The following VTI1A variants were observed in gnomAD, a reference collection of about 807,000 sequenced individuals.
VTI1A encodes the protein vesicle transport through interaction with t-SNAREs 1A, also known as vesicle transport through interaction with t-SNAREs homolog 1A.
A neutral mutation model predicts 34.9 loss-of-function variants in VTI1A; 22 were observed. The ratio of observed to expected loss-of-function variants is 0.63; its 90% CI spans 0.45 to 0.90. VTI1A has a LOEUF of 0.90. Ranked by LOEUF, VTI1A falls within the 40% of genes least tolerant of loss-of-function variation. The probability of loss-of-function intolerance (pLI) is 0.00; values close to 1 mark genes in which losing one functional copy is unlikely to be tolerated. For missense variants in VTI1A, 268 were observed against 275.6 expected, an observed-to-expected ratio of 0.97 and a Z score of 0.20; for synonymous variants, 87 against 97.3, an observed-to-expected ratio of 0.89 and a Z score of 0.62.
At chr10:112,845,510 CTT>C in the VTI1A span, among the ~76,000 whole-genome samples, 1 of 152,144 alleles carries the variant, frequency 6.6e-6, no homozygotes, top group Non-Finnish European at 1.5e-5. Flanking sequence ...TCAGAACTAA[CTT>C]GCGCAGCAGC....
chr10:112,645,556 T>C (rs1846739976), intron 5 of VTI1A, among the ~76,000 whole-genome samples: 1 of 152,178 alleles, frequency 6.6e-6, no homozygotes, highest in South Asian at 2.1e-4. Flanking sequence ...TTCCTGCTTG[T>C]GTATTTTGCG....
At chr10:112,717,555 C>T (rs146775661) in intron 7 of VTI1A, among the ~76,000 whole-genome samples, 2,240 of 152,156 alleles carry the variant, frequency 0.015, 23 homozygotes, top group Middle Eastern at 0.034. Context: ...GTCAAAAGGC[C>T]CTTCCATGTG....
At chr10:112,555,281 G>A (rs1851505073) in intron 5 of VTI1A, among the ~76,000 whole-genome samples, 1 of 152,032 alleles carries the variant, frequency 6.6e-6, no homozygotes, top group African/African-American at 2.4e-5. Context: ...CAGAGTGCGA[G>A]TGGGGAGAGA....
At chr10:112,717,811 G>A (rs1276572274) in intron 7 of VTI1A, among the ~76,000 whole-genome samples, 1 of 152,202 alleles carries the variant, frequency 6.6e-6, no homozygotes, top group Non-Finnish European at 1.5e-5. Context: ...TGATGCAGGG[G>A]TGGCAGGTTG....
At chr10:112,807,960 G>A (rs982538296) in intron 7 of VTI1A, among the ~76,000 whole-genome samples, 1 of 152,198 alleles carries the variant, frequency 6.6e-6, no homozygotes, top group African/African-American at 2.4e-5. Context: ...GCTCATGACT[G>A]TAATCCCAGC....
At chr10:112,662,421 A>G (rs773730700) in intron 5 of VTI1A, among the ~76,000 whole-genome samples, 7 of 152,132 alleles carry the variant, frequency 4.6e-5, no homozygotes, top group Non-Finnish European at 8.8e-5. Context: ...CCTTTATTCT[A>G]TAGCGAAGGA....
At chr10:112,842,156 A>G in the VTI1A span, among the ~76,000 whole-genome samples, 1 of 132,126 alleles carries the variant, frequency 7.6e-6, no homozygotes, top group African/African-American at 2.9e-5. Context: ...TCCGCCTCCC[A>G]GGTTCGCAGA....
chr10:112,738,246 A>T (rs957677051), intron 7 of VTI1A, among the ~76,000 whole-genome samples: 1 of 152,130 alleles, frequency 6.6e-6, no homozygotes, highest in Admixed American at 6.5e-5. Flanking sequence ...GTGTCCCTTC[A>T]TCTGGGTAGA....
At chr10:112,551,949 C>T (rs1851377272) in intron 5 of VTI1A, among the ~76,000 whole-genome samples, 1 of 152,174 alleles carries the variant, frequency 6.6e-6, no homozygotes, top group African/African-American at 2.4e-5. Flanking sequence ...ATTTTTAAAA[C>T]ATTTTCCATC....
intron 3 of VTI1A, among the ~76,000 whole-genome samples, chr10:112,475,426 T>C (rs1848247901): frequency 6.6e-6 from 1 of 152,252 alleles, no homozygotes; most frequent in Non-Finnish European, 1.5e-5. Flanking sequence ...AATTGCAGTT[T>C]TTTTCCTACC....
chr10:112,789,986 T>C (rs1852408146), intron 7 of VTI1A, among the ~76,000 whole-genome samples: 1 of 151,988 alleles, frequency 6.6e-6, no homozygotes, highest in South Asian at 2.1e-4. Context: ...ATCATGTCAT[T>C]TTTTTGTTGA....
At chr10:112,820,439 T>C (rs1853632896), downstream of VTI1A, among the ~76,000 whole-genome samples, 1 of 152,258 alleles carries the variant, frequency 6.6e-6, no homozygotes, top group Non-Finnish European at 1.5e-5. Flanking sequence ...TTCTGGTGGC[T>C]TCACTTTGCC....
chr10:112,517,274 A>G (rs1405354741), intron 3 of VTI1A, among the ~76,000 whole-genome samples: 1 of 152,072 alleles, frequency 6.6e-6, no homozygotes, highest in East Asian at 1.9e-4. Context: ...GACCTGAAAA[A>G]GGACTCAAAA....
chr10:112,787,667 C>A (rs889847106), intron 7 of VTI1A, among the ~76,000 whole-genome samples: 5 of 150,020 alleles, frequency 3.3e-5, no homozygotes, highest in Non-Finnish European at 5.9e-5. Flanking sequence ...TTAGGACTTA[C>A]CAAATTAGTT....
At chr10:112,737,078 C>CTTT in intron 7 of VTI1A, 2 of 307,538 alleles carry the variant, frequency 6.5e-6, no homozygotes, top group South Asian at 1.2e-4. Flanking sequence ...TTTTCTTTTT[C>CTTT]TTTTTTTTTT....
intron 7 of VTI1A, among the ~76,000 whole-genome samples, chr10:112,791,097 C>G (rs1852458594): frequency 6.6e-6 from 1 of 152,152 alleles, no homozygotes; most frequent in Non-Finnish European, 1.5e-5. Flanking sequence ...CTCACATGAG[C>G]TTTGAATCCA....
chr10:112,774,372 C>A (rs775511246), intron 7 of VTI1A, among the ~76,000 whole-genome samples: 13 of 152,266 alleles, frequency 8.5e-5, no homozygotes, highest in Non-Finnish European at 1.5e-4. Flanking sequence ...ATGACCTGGG[C>A]CTGCCTCTGC....
intron 7 of VTI1A, among the ~76,000 whole-genome samples, chr10:112,777,257 C>G (rs1851978698): frequency 6.6e-6 from 1 of 152,202 alleles, no homozygotes. Context: ...CCAGGTGTGG[C>G]TGGTGCTGAC....
intron 3 of VTI1A, among the ~76,000 whole-genome samples, chr10:112,497,251 G>A (rs916486478): frequency 8.6e-5 from 13 of 151,980 alleles, no homozygotes; most frequent in Non-Finnish European, 1.9e-4. Context: ...CCAGGAGGTG[G>A]AGGTTGCAGT....
Sources: allele counts gnomAD v4.1 joint callset (sites outside exome capture counted in the v4.1 genomes callset), GRCh38; gene constraint gnomAD v4.1.1; transcripts MANE v1.5; gene names NCBI Gene and HGNC (gene_info 2026-07-23, HGNC 2026-07-21).